The following LCOR variants were observed in gnomAD, a reference collection of about 807,000 sequenced individuals.
LCOR encodes ligand dependent nuclear receptor corepressor.
A neutral mutation model predicts 64.4 loss-of-function variants in LCOR; 14 were observed. That is an observed-to-expected ratio of 0.22 (90% CI 0.14 to 0.34). The LOEUF (loss-of-function observed/expected upper bound fraction) is 0.34. Among genes scored for constraint, LCOR ranks in the 10% least tolerant of loss-of-function variants. LCOR has a pLI of 1.00. For synonymous variants in LCOR, 643 were observed against 642.5 expected (o/e 1.00, Z -0.01); for missense variants, 1,686 against 1,765.3 (o/e 0.96, Z 0.80).
chr10:96,870,263 G>A (rs1038014739), intron 2 of LCOR, among the ~76,000 whole-genome samples: 2 of 151,938 alleles, frequency 1.3e-5, no homozygotes, highest in African/African-American at 2.4e-5. Flanking sequence ...TGCCTGCCTC[G>A]GCCTCCCAAA....
At chr10:96,857,779 A>C (rs1165761738) in intron 2 of LCOR, among the ~76,000 whole-genome samples, 1 of 152,206 alleles carries the variant, frequency 6.6e-6, no homozygotes, top group Non-Finnish European at 1.5e-5. Context: ...GCTTGGACAC[A>C]CTGAAGTTTG....
At chr10:96,863,578 T>C (rs1265753603) in intron 2 of LCOR, among the ~76,000 whole-genome samples, 1 of 152,188 alleles carries the variant, frequency 6.6e-6, no homozygotes, top group Non-Finnish European at 1.5e-5. Context: ...TTTGATTGCA[T>C]TGTTAGTGCT....
intron 2 of LCOR, among the ~76,000 whole-genome samples, chr10:96,849,183 C>T (rs1315249554): frequency 1.3e-5 from 2 of 149,146 alleles, no homozygotes; most frequent in East Asian, 4.0e-4. Flanking sequence ...AAGTGATTCT[C>T]CTGCCTCAGC....
At chr10:96,891,525 TGAC>T (rs373852146) in intron 2 of LCOR, among the ~76,000 whole-genome samples, 1 of 118,776 alleles carries the variant, frequency 8.4e-6, no homozygotes, top group Non-Finnish European at 1.8e-5. Context: ...TACTCTGTCT[TGAC>T]TCTTTTTTTT....
At chr10:96,958,411 G>A in intron 7 of LCOR, 1 of 1,490,072 alleles carries the variant, frequency 6.7e-7, no homozygotes, top group Non-Finnish European at 9.1e-7. Flanking sequence ...GTGTGTTTCA[G>A]TGGATGACAA....
chr10:96,870,203 G>A (rs749899596), intron 2 of LCOR, among the ~76,000 whole-genome samples: 1 of 151,686 alleles, frequency 6.6e-6, no homozygotes, highest in Non-Finnish European at 1.5e-5. Flanking sequence ...TTTGTTTTTT[G>A]TAGAGACGGG....
chr10:96,977,159 T>C (rs919221609), intron 7 of LCOR, among the ~76,000 whole-genome samples: 4 of 152,204 alleles, frequency 2.6e-5, no homozygotes, highest in Non-Finnish European at 5.9e-5. Flanking sequence ...AGAAAATTCA[T>C]GTACTTACCC....
At chr10:96,868,871 C>T (rs932740713) in intron 2 of LCOR, among the ~76,000 whole-genome samples, 3 of 152,078 alleles carry the variant, frequency 2.0e-5, no homozygotes, top group African/African-American at 7.2e-5. Flanking sequence ...AGTGGGTGTC[C>T]AGTAAGTTGC....
In LCOR at chr10:96,988,121, C is replaced by T. The variant is rs1462716333; in HGVS notation, c.*2987C>T. 1 of 152,244 alleles carries T rather than the reference C, an allele frequency of 6.6e-6. No individual in the cohort carries two copies. Among genetic ancestry groups the T allele is most frequent in the Admixed American group, 6.5e-5 (1 of 15,282 alleles). 9.4% of individuals were successfully genotyped at this position (152,244 alleles called of 1,614,324 possible). A position where few individuals can be genotyped will look rare whatever the true frequency, so the allele number is the denominator to read the frequency against. ...CATAGCTCCCGTAGAGGAGGGCCCT[C>T]TTCAGGACACCCATCTTCTATCCTA... On this transcript the variant is annotated 3_prime_UTR_variant, in exon 8 of 8. Coordinates refer to ENST00000421806, the MANE Select transcript of LCOR (RefSeq NM_001346516.2).
intron 2 of LCOR, among the ~76,000 whole-genome samples, chr10:96,856,175 A>G (rs759691831): frequency 1.7e-4 from 26 of 151,362 alleles, no homozygotes; most frequent in Non-Finnish European, 2.7e-4. Flanking sequence ...GGTTCAAGCA[A>G]TTCTTCTGCC....
intron 4 of LCOR, among the ~76,000 whole-genome samples, chr10:96,913,442 G>GTCT (rs1029308712): frequency 6.6e-6 from 1 of 152,196 alleles, no homozygotes; most frequent in Admixed American, 6.5e-5. Context: ...TCAGTGATCA[G>GTCT]TCTGTTCTTG....
chr10:96,950,862 T>C (rs762858482), intron 6 of LCOR, among the ~76,000 whole-genome samples: 1 of 152,148 alleles, frequency 6.6e-6, no homozygotes, highest in Non-Finnish European at 1.5e-5. Context: ...TTGTAAGCAG[T>C]AGTACATTTG....
chr10:96,952,673 A>G (rs1381374168), intron 7 of LCOR, among the ~76,000 whole-genome samples: 3 of 152,130 alleles, frequency 2.0e-5, no homozygotes, highest in East Asian at 3.9e-4. Context: ...TGAAAGACTG[A>G]TGGTAGATGT....
At chr10:96,866,151 T>A (rs1845970007) in intron 2 of LCOR, among the ~76,000 whole-genome samples, 1 of 152,238 alleles carries the variant, frequency 6.6e-6, no homozygotes, top group Non-Finnish European at 1.5e-5. Flanking sequence ...TCATATAGCA[T>A]ATATTTCACC....
chr10:96,938,727 A>C (rs1342101089), intron 4 of LCOR, among the ~76,000 whole-genome samples: 3 of 152,246 alleles, frequency 2.0e-5, no homozygotes, highest in African/African-American at 7.2e-5. Flanking sequence ...TTGTATTGCT[A>C]TACACTAGCA....
At chr10:96,887,966 C>CCA (rs1256038156) in intron 2 of LCOR, among the ~76,000 whole-genome samples, 6 of 151,418 alleles carry the variant, frequency 4.0e-5, no homozygotes, top group Non-Finnish European at 8.8e-5. Context: ...CAGGCATGAA[C>CCA]CACCACACCT....
chr10:96,838,270 T>C (rs1386437895), intron 2 of LCOR, among the ~76,000 whole-genome samples: 1 of 152,172 alleles, frequency 6.6e-6, no homozygotes, highest in African/African-American at 2.4e-5. Context: ...ATCATCACTG[T>C]CTAATTCCAG....
chr10:96,889,746 A>G (rs1846407291), intron 2 of LCOR, among the ~76,000 whole-genome samples: 1 of 152,170 alleles, frequency 6.6e-6, no homozygotes, highest in Non-Finnish European at 1.5e-5. Flanking sequence ...TTTATGGTTG[A>G]ATAATATTCC....
At position 96,941,438 on chromosome 10, in the gene LCOR, G is replaced by T. The variant is rs1477689269; in HGVS notation, c.-183-2675G>T. Among the ~76,000 whole-genome samples the T allele has an allele frequency of 4.2e-5, 6 of 141,248 alleles. 2 individuals carry two copies. In the South Asian group the frequency reaches 1.4e-3, roughly 32 times the overall value. 92.7% of individuals were successfully genotyped at this position (141,248 alleles called of 152,430 possible). On this transcript the variant is annotated intron_variant, in intron 4 of 7. Coordinates refer to ENST00000421806, the MANE Select transcript of LCOR (RefSeq NM_001346516.2). Reference sequence around the variant, plus strand: ...CTGACCCCCCACCTCCCTCCTGGACGGGGCGACTGGCCGGGCAGAGGGGCT... The same window carrying T: ...CTGACCCCCCACCTCCCTCCTGGACTGGGCGACTGGCCGGGCAGAGGGGCT...
Sources: allele counts gnomAD v4.1 joint callset (sites outside exome capture counted in the v4.1 genomes callset), GRCh38; gene constraint gnomAD v4.1.1; transcripts MANE v1.5; gene names NCBI Gene and HGNC (gene_info 2026-07-23, HGNC 2026-07-21).